CREM: variants seen among roughly 807,000 people sequenced by gnomAD.
CREM encodes cAMP responsive element modulator.
A neutral mutation model predicts 37.3 loss-of-function variants in CREM; 13 were observed. The ratio of observed to expected loss-of-function variants is 0.35; its 90% CI spans 0.23 to 0.55. The LOEUF (loss-of-function observed/expected upper bound fraction) is 0.55, where lower values mean the gene tolerates loss of function less well. Among genes scored for constraint, CREM ranks in the 20% least tolerant of loss-of-function variants. CREM has a pLI of 0.88. For missense variants in CREM, 296 were observed against 362.3 expected (o/e 0.82, Z 1.49); for synonymous variants, 124 against 120.2 (o/e 1.03, Z -0.21).
chr10:35,197,416 CTTTA>C (rs202009348), intron 6 of CREM, among the ~76,000 whole-genome samples: 40,887 of 142,576 alleles, frequency 0.29, 6,186 homozygotes, highest in East Asian at 0.56. Flanking sequence ...TTTCATTTTA[CTTTA>C]TTTATTTATT....
At chr10:35,137,386 A>G (rs1209386193) in intron 1 of CREM, among the ~76,000 whole-genome samples, 1 of 152,194 alleles carries the variant, frequency 6.6e-6, no homozygotes, top group Admixed American at 6.5e-5. Context: ...AAATTCATTA[A>G]TTTTATTAAG....
intron 3 of CREM, among the ~76,000 whole-genome samples, chr10:35,169,376 C>T (rs1007407103): frequency 1.5e-4 from 23 of 152,274 alleles, no homozygotes; most frequent in African/African-American, 5.3e-4. Flanking sequence ...AATGGGAGTT[C>T]ACTCATGATT....
intron 2 of CREM, among the ~76,000 whole-genome samples, chr10:35,138,737 T>G (rs1437804977): frequency 6.6e-6 from 1 of 151,686 alleles, no homozygotes; most frequent in Non-Finnish European, 1.5e-5. Context: ...AAAAAATTTT[T>G]TTTAGGCCGG....
chr10:35,128,938 C>T (rs114736635), intron 1 of CREM, among the ~76,000 whole-genome samples: 4,365 of 152,204 alleles, frequency 0.029, 204 homozygotes, highest in African/African-American at 0.096. Flanking sequence ...GCAAATTGCA[C>T]ACAATATGTT....
At chr10:35,157,832 T>G (rs1056260104) in intron 3 of CREM, among the ~76,000 whole-genome samples, 8 of 151,308 alleles carry the variant, frequency 5.3e-5, no homozygotes, top group African/African-American at 1.9e-4. Context: ...GAACAAAAAT[T>G]AGAAAACCTT....
intron 3 of CREM, among the ~76,000 whole-genome samples, chr10:35,149,651 G>A (rs962292195): frequency 6.6e-4 from 101 of 152,176 alleles, no homozygotes; most frequent in African/African-American, 2.1e-3. Context: ...AGGACCTGGT[G>A]GTTGACTGGA....
chr10:35,173,783 G>T (rs368521227), intron 3 of CREM, among the ~76,000 whole-genome samples: 1 of 152,162 alleles, frequency 6.6e-6, no homozygotes, highest in South Asian at 2.1e-4. Flanking sequence ...TCCTTCTTAA[G>T]ATCTAGTTAA....
intron 2 of CREM, among the ~76,000 whole-genome samples, chr10:35,140,315 A>G (rs1209428478): frequency 6.6e-6 from 1 of 152,196 alleles, no homozygotes; most frequent in African/African-American, 2.4e-5. Context: ...ACTCCAAAAC[A>G]CATCATCATC....
intron 1 of CREM, among the ~76,000 whole-genome samples, chr10:35,133,558 G>GA (rs377453765): frequency 3.9e-5 from 6 of 152,180 alleles, no homozygotes; most frequent in African/African-American, 1.4e-4. Context: ...CTTGGCCTCC[G>GA]AAAATGCTGG....
chr10:35,134,073 A>G (rs2135476930), intron 1 of CREM, among the ~76,000 whole-genome samples: 1 of 150,044 alleles, frequency 6.7e-6, no homozygotes, highest in East Asian at 1.9e-4. Flanking sequence ...TTTTTTTTCA[A>G]GACAGCTCTG....
chr10:35,207,502 G>A (rs916429799), intron 7 of CREM, among the ~76,000 whole-genome samples: 8 of 151,830 alleles, frequency 5.3e-5, no homozygotes, highest in African/African-American at 7.3e-5. Flanking sequence ...TCAGCTGGGC[G>A]CAGTGGCTCC....
At chr10:35,189,616 A>G (rs779369333) in intron 6 of CREM, among the ~76,000 whole-genome samples, 5 of 151,970 alleles carry the variant, frequency 3.3e-5, no homozygotes, top group Non-Finnish European at 4.4e-5. Flanking sequence ...CCCAGGTTCA[A>G]GCAATTCTTC....
At chr10:35,148,339 AT>A in intron 2 of CREM, 28 bp from the exon 3 acceptor site, 1 of 1,598,424 alleles carries the variant, frequency 6.3e-7, no homozygotes, top group South Asian at 1.1e-5. Flanking sequence ...TAGGGCCTTA[AT>A]TTGTCTTCCT....
intron 3 of CREM, among the ~76,000 whole-genome samples, chr10:35,155,499 T>A (rs1341680022): frequency 1.3e-5 from 2 of 152,190 alleles, no homozygotes; most frequent in African/African-American, 4.8e-5. Context: ...ATGTTATGTG[T>A]CTTTTACCAC....
intron 6 of CREM, among the ~76,000 whole-genome samples, chr10:35,191,215 A>G (rs1281853578): frequency 6.6e-6 from 1 of 151,824 alleles, no homozygotes; most frequent in East Asian, 1.9e-4. Flanking sequence ...TGCCATTACA[A>G]TGGTACCTTA....
At chr10:35,166,860 G>A (rs1041287235) in intron 3 of CREM, among the ~76,000 whole-genome samples, 3 of 152,022 alleles carry the variant, frequency 2.0e-5, no homozygotes, top group Non-Finnish European at 4.4e-5. Flanking sequence ...AATTAAAGTG[G>A]GCCGGGCACG....
At chr10:35,188,143 G>A (rs2094733434) in intron 5 of CREM, 57 bp from the exon 6 acceptor site, 1 of 1,486,026 alleles carries the variant, frequency 6.7e-7, no homozygotes, top group South Asian at 1.3e-5. Context: ...TTCCAATAGG[G>A]GATTATTAAA....
At chr10:35,178,258 C>T (rs1442672385) in intron 3 of CREM, among the ~76,000 whole-genome samples, 1 of 152,138 alleles carries the variant, frequency 6.6e-6, no homozygotes, top group East Asian at 1.9e-4. Flanking sequence ...AAAATGAAAT[C>T]ATGCTTAAAA....
chr10:35,133,878 A>G (rs532124397), intron 1 of CREM, among the ~76,000 whole-genome samples: 4 of 152,342 alleles, frequency 2.6e-5, no homozygotes, highest in South Asian at 2.1e-4. Context: ...GGCATTAGCT[A>G]TACTGTAGGC....
Sources: allele counts gnomAD v4.1 joint callset (sites outside exome capture counted in the v4.1 genomes callset), GRCh38; gene constraint gnomAD v4.1.1; transcripts MANE v1.5; gene names NCBI Gene and HGNC (gene_info 2026-07-23, HGNC 2026-07-21).